Variants in MGAT4C observed in about 807,000 individuals in gnomAD.
The protein encoded by MGAT4C is alpha-1,3-mannosyl-glycoprotein 4-beta-N-acetylglucosaminyltransferase C.
A neutral mutation model predicts 40.1 loss-of-function variants in MGAT4C; 19 were observed. The observed-to-expected ratio is 0.47, with a 90% CI of 0.33 to 0.70. The LOEUF (loss-of-function observed/expected upper bound fraction) is 0.70. Among genes scored for constraint, MGAT4C ranks in the 30% least tolerant of loss-of-function variants. The pLI, the probability that MGAT4C is intolerant of heterozygous loss-of-function variation, is 0.02. For synonymous variants in MGAT4C, 181 were observed against 187.1 expected, an observed-to-expected ratio of 0.97 and a Z score of 0.27; for missense variants, 491 against 563.2, an observed-to-expected ratio of 0.87 and a Z score of 1.30.
At chr12:86,054,006 G>A (rs946868998) in intron 1 of MGAT4C, among the ~76,000 whole-genome samples, 4 of 151,946 alleles carry the variant, frequency 2.6e-5, no homozygotes, top group African/African-American at 9.7e-5. Flanking sequence ...ATGTAAATTA[G>A]TACAGCCGCT....
chr12:86,829,688 A>G (rs1593246102), intron 1 of MGAT4C, among the ~76,000 whole-genome samples: 2 of 151,442 alleles, frequency 1.3e-5, no homozygotes, highest in East Asian at 3.9e-4. Flanking sequence ...TTTTGGAGGC[A>G]TAAGTGTTTT....
chr12:86,390,851 A>G (rs1371044508), intron 3 of MGAT4C, among the ~76,000 whole-genome samples: 1 of 152,206 alleles, frequency 6.6e-6, no homozygotes, highest in Non-Finnish European at 1.5e-5. Flanking sequence ...GAGGCTCAAG[A>G]TTAATATTAG....
intron 2 of MGAT4C, among the ~76,000 whole-genome samples, chr12:86,595,954 T>C (rs10735252): frequency 0.93 from 141,638 of 152,128 alleles, 66,018 homozygotes; most frequent in East Asian, 1. Context: ...ATCAGTTAAA[T>C]GACTCTTCCC....
At chr12:86,478,776 T>C (rs1448017282) in intron 2 of MGAT4C, among the ~76,000 whole-genome samples, 2 of 152,080 alleles carry the variant, frequency 1.3e-5, no homozygotes, top group African/African-American at 4.8e-5. Flanking sequence ...TATGCTATTA[T>C]TAATAACCAT....
chr12:86,241,980 T>C (rs1282712767), intron 1 of MGAT4C, among the ~76,000 whole-genome samples: 2 of 152,116 alleles, frequency 1.3e-5, no homozygotes, highest in Non-Finnish European at 2.9e-5. Context: ...AATACCACTG[T>C]ATTTACCTTT....
chr12:86,160,109 A>C (rs1045875725), intron 1 of MGAT4C, among the ~76,000 whole-genome samples: 4 of 151,494 alleles, frequency 2.6e-5, no homozygotes, highest in African/African-American at 9.7e-5. Context: ...CTTTTTTTCT[A>C]GTTCCTTTAG....
intron 2 of MGAT4C, among the ~76,000 whole-genome samples, chr12:86,517,261 T>G (rs1382781662): frequency 1.3e-5 from 2 of 152,206 alleles, no homozygotes; most frequent in African/African-American, 2.4e-5. Context: ...TTGTACATTT[T>G]AAAAGAGTGA....
Position 85,973,687 on chromosome 12 carries a change from A to G in MGAT4C, c.*5602T>C, listed in dbSNP as rs1397385768. The G allele has an allele frequency of 3.3e-5, 5 of 150,820 alleles. No individual in the cohort carries two copies. Among genetic ancestry groups the G allele is most frequent in the African/African-American group, 9.7e-5 (4 of 41,294 alleles). 9.3% of individuals were successfully genotyped at this position (150,820 alleles called of 1,614,324 possible). A position where few individuals can be genotyped will look rare whatever the true frequency, so the allele number is the denominator to read the frequency against. ...ATATTCTTAATTTAATTGTACTTCTATGGTCATATACAATTTACCTATCAC... is the reference window on the plus strand; with the variant it reads ...ATATTCTTAATTTAATTGTACTTCTGTGGTCATATACAATTTACCTATCAC... On this transcript the variant is annotated 3_prime_UTR_variant, in exon 5 of 5. Transcript: ENST00000611864.
intron 2 of MGAT4C, among the ~76,000 whole-genome samples, chr12:86,020,384 A>G (rs1395486186): frequency 2.0e-5 from 3 of 152,166 alleles, no homozygotes; most frequent in Non-Finnish European, 2.9e-5. Context: ...GTACCAAAAC[A>G]GAGATATAGA....
intron 4 of MGAT4C, among the ~76,000 whole-genome samples, chr12:86,321,821 C>T (rs1010114097): frequency 5.9e-5 from 9 of 152,058 alleles, no homozygotes; most frequent in African/African-American, 2.2e-4. Flanking sequence ...GTGGAGATTC[C>T]TCAGGGATCT....
chr12:86,268,933 T>A (rs1317808319), intron 4 of MGAT4C, among the ~76,000 whole-genome samples: 10 of 143,394 alleles, frequency 7.0e-5, no homozygotes, highest in African/African-American at 2.5e-4. Flanking sequence ...GATATTACAG[T>A]ACCCCTTTCG....
At chr12:86,815,230 C>A (rs1256393424) in intron 1 of MGAT4C, among the ~76,000 whole-genome samples, 2 of 151,930 alleles carry the variant, frequency 1.3e-5, no homozygotes, top group Admixed American at 1.3e-4. Flanking sequence ...AAATTGCCAA[C>A]AAACATATGA....
chr12:86,002,226 G>T (rs1346634820), intron 2 of MGAT4C: 1 of 151,148 alleles, frequency 6.6e-6, no homozygotes, highest in Admixed American at 6.6e-5. Context: ...GGTTGAAAAA[G>T]GAAAAAAAAA....
intron 1 of MGAT4C, among the ~76,000 whole-genome samples, chr12:86,246,134 G>A (rs1421188988): frequency 6.7e-6 from 1 of 148,482 alleles, no homozygotes; most frequent in Non-Finnish European, 1.5e-5. Flanking sequence ...GAGTTTAAGA[G>A]CTCTTCTATT....
chr12:86,434,773 A>G (rs1451434993), intron 3 of MGAT4C, among the ~76,000 whole-genome samples: 1 of 151,932 alleles, frequency 6.6e-6, no homozygotes, highest in African/African-American at 2.4e-5. Flanking sequence ...CTGGGAATTA[A>G]TAACACCATT....
At chr12:86,800,615 C>A (rs550254861) in intron 1 of MGAT4C, among the ~76,000 whole-genome samples, 27 of 151,798 alleles carry the variant, frequency 1.8e-4, no homozygotes, top group Non-Finnish European at 3.7e-4. Flanking sequence ...ACTGGTCAGA[C>A]AATAGGATAT....
chr12:86,814,254 A>G (rs542819300), intron 1 of MGAT4C, among the ~76,000 whole-genome samples: 16 of 145,404 alleles, frequency 1.1e-4, no homozygotes, highest in Non-Finnish European at 2.1e-4. Context: ...GTATATATAT[A>G]CACATATATA....
chr12:86,155,661 A>G (rs760348301), intron 1 of MGAT4C, among the ~76,000 whole-genome samples: 5 of 152,220 alleles, frequency 3.3e-5, no homozygotes, highest in Non-Finnish European at 5.9e-5. Flanking sequence ...TGACACTGCT[A>G]GATTGCCAAC....
intron 2 of MGAT4C, among the ~76,000 whole-genome samples, chr12:86,651,351 C>T (rs1231313155): frequency 6.6e-6 from 1 of 151,744 alleles, no homozygotes; most frequent in Non-Finnish European, 1.5e-5. Flanking sequence ...CTAAATATGT[C>T]AGGTAGCCAC....
Sources: allele counts gnomAD v4.1 joint callset (sites outside exome capture counted in the v4.1 genomes callset), GRCh38; gene constraint gnomAD v4.1.1; transcripts MANE v1.5; gene names NCBI Gene and HGNC (gene_info 2026-07-23, HGNC 2026-07-21).